The following MMP26 variants were observed in gnomAD, a reference collection of about 807,000 sequenced individuals.
MMP26 encodes matrix metallopeptidase 26.
Under a neutral mutation model 31.0 loss-of-function variants are expected in MMP26, and 33 were observed. The ratio of observed to expected loss-of-function variants is 1.06; its 90% CI spans 0.81 to 1.42. The LOEUF is 1.42. Ranked by LOEUF, MMP26 falls within the 40% of genes most tolerant of loss-of-function variation. The pLI, the probability that MMP26 is intolerant of heterozygous loss-of-function variation, is 0.00. For synonymous variants in MMP26, 122 were observed against 114.9 expected (o/e 1.06, Z -0.40); for missense variants, 347 against 316.1 (o/e 1.10, Z -0.74).
chr11:4,882,766 G>C (rs767844413), intron 2 of MMP26: 8 of 1,613,906 alleles, frequency 5.0e-6, no homozygotes, highest in Non-Finnish European at 6.8e-6. Flanking sequence ...CACCTGTGCT[G>C]AACCCTATCA....
chr11:4,933,710 C>T (rs1263590845), intron 2 of MMP26, among the ~76,000 whole-genome samples: 3 of 148,436 alleles, frequency 2.0e-5, no homozygotes, highest in South Asian at 2.2e-4. Flanking sequence ...TCTCCCAATG[C>T]TATTCCTCCC....
intron 2 of MMP26, chr11:4,863,718 C>G (rs1487737983): frequency 6.6e-6 from 1 of 152,110 alleles, no homozygotes; most frequent in African/African-American, 2.4e-5. Flanking sequence ...CTGGTGTTGT[C>G]TGGTGTCATC....
Position 4,907,896 on chromosome 11 carries a change from A to T in MMP26, c.-144-80172A>T, listed in dbSNP as rs758459369. On this transcript the variant is annotated intron_variant, in intron 2 of 7. Transcript: ENST00000380390. ...TATTGTCAAAAGAATCTTCTTTCTCACTCATACTGTCTTCATCAGGATACC... is the reference window on the plus strand; with the variant it reads ...TATTGTCAAAAGAATCTTCTTTCTCTCTCATACTGTCTTCATCAGGATACC... The T allele has an allele frequency of 6.8e-6, 11 of 1,613,840 alleles. No individual in the cohort carries two copies. The highest frequency in any genetic ancestry group is 1.7e-5 in the Admixed American group (1 of 59,984).
chr11:4,851,564 A>C (rs1414401815), intron 2 of MMP26, among the ~76,000 whole-genome samples: 2 of 152,166 alleles, frequency 1.3e-5, no homozygotes, highest in Non-Finnish European at 2.9e-5. Flanking sequence ...TTTCCTTAAC[A>C]GGCTTGAATT....
chr11:4,719,741 A>G (rs1372199203), intron 1 of MMP26, among the ~76,000 whole-genome samples: 1 of 152,210 alleles, frequency 6.6e-6, no homozygotes, highest in Non-Finnish European at 1.5e-5. Context: ...TCTCAAGGAT[A>G]CCATTCTTTT....
intron 2 of MMP26, chr11:4,803,427 CT>C (rs778189577): frequency 6.3e-7 from 1 of 1,578,812 alleles, no homozygotes; most frequent in East Asian, 2.2e-5. Flanking sequence ...TACACTGACC[CT>C]TTGCTCAGGG....
intron 2 of MMP26, among the ~76,000 whole-genome samples, chr11:4,861,811 T>C (rs1461910318): frequency 6.6e-6 from 1 of 152,144 alleles, no homozygotes; most frequent in African/African-American, 2.4e-5. Context: ...TAGAATAGAC[T>C]TTTTTAAAAC....
At chr11:4,758,183 T>A (rs1268923219) in intron 1 of MMP26, among the ~76,000 whole-genome samples, 1 of 151,862 alleles carries the variant, frequency 6.6e-6, no homozygotes, top group East Asian at 1.9e-4. Context: ...AAGGAAAAAA[T>A]TGCTAATAAG....
intron 2 of MMP26, among the ~76,000 whole-genome samples, chr11:4,897,598 T>C (rs1564802588): frequency 6.6e-6 from 1 of 152,184 alleles, no homozygotes; most frequent in Non-Finnish European, 1.5e-5. Context: ...GTGAATCAAA[T>C]AAAATCAAGT....
At chr11:4,862,690 T>A (rs1368760722) in intron 2 of MMP26, among the ~76,000 whole-genome samples, 1 of 152,170 alleles carries the variant, frequency 6.6e-6, no homozygotes, top group Non-Finnish European at 1.5e-5. Context: ...TCCCTACCTT[T>A]TCTGCCTCCT....
At chr11:4,931,684 G>A (rs840713) in intron 2 of MMP26, among the ~76,000 whole-genome samples, 104,167 of 151,856 alleles carry the variant, frequency 0.69, 36,004 homozygotes, top group Middle Eastern at 0.77. Flanking sequence ...AATTGAAAAA[G>A]TAGCAAAAAT....
At chr11:4,710,696 A>G in intron 1 of MMP26, 3 of 338,558 alleles carry the variant, frequency 8.9e-6, no homozygotes, top group Non-Finnish European at 1.8e-5. Context: ...GGCAGAGATT[A>G]TGTCGGTACT....
chr11:4,957,946 T>C (rs916584177), intron 2 of MMP26, among the ~76,000 whole-genome samples: 18 of 152,040 alleles, frequency 1.2e-4, no homozygotes, highest in African/African-American at 3.4e-4. Context: ...TCCCAGCATA[T>C]ATTTCCTTAG....
chr11:4,790,070 G>A (rs531068511), intron 2 of MMP26, among the ~76,000 whole-genome samples: 34 of 152,132 alleles, frequency 2.2e-4, no homozygotes, highest in African/African-American at 7.2e-4. Flanking sequence ...GGCCAGGTAC[G>A]GTAGCTCACG....
At chr11:4,990,815 A>G in intron 5 of MMP26, 69 bp downstream of exon 5, 1 of 1,466,982 alleles carries the variant, frequency 6.8e-7, no homozygotes, top group Non-Finnish European at 9.1e-7. Context: ...TTCCATCCTT[A>G]AACAAAAACC....
chr11:4,828,893 G>A (rs1022355209), intron 2 of MMP26, among the ~76,000 whole-genome samples: 1 of 152,034 alleles, frequency 6.6e-6, no homozygotes, highest in Non-Finnish European at 1.5e-5. Context: ...ATTCTGTATC[G>A]CTTTTGTCTG....
intron 2 of MMP26, among the ~76,000 whole-genome samples, chr11:4,815,199 G>A (rs919553489): frequency 2.6e-5 from 4 of 152,256 alleles, no homozygotes; most frequent in African/African-American, 7.2e-5. Context: ...CAGTGACTGC[G>A]TTTTTACATA....
chr11:4,987,138 T>A (rs1314824074), intron 2 of MMP26, among the ~76,000 whole-genome samples: 1 of 151,728 alleles, frequency 6.6e-6, no homozygotes, highest in Non-Finnish European at 1.5e-5. Flanking sequence ...CTCCTCAGCC[T>A]CCCAAAGTGC....
chr11:4,910,659 TTTAA>T (rs1233289341), intron 2 of MMP26, among the ~76,000 whole-genome samples: 1 of 152,140 alleles, frequency 6.6e-6, no homozygotes, highest in Non-Finnish European at 1.5e-5. Context: ...AATATGAGCC[TTTAA>T]TTGTTTAAAG....
Sources: gnomAD v4.1 joint callset for allele counts (sites outside exome capture counted in the v4.1 genomes callset) on GRCh38, gnomAD v4.1.1 for gene constraint, MANE v1.5 for transcripts, NCBI Gene and HGNC (gene_info 2026-07-23, HGNC 2026-07-21) for gene names.